The following SHISA9 variants were observed in gnomAD, a reference collection of about 807,000 sequenced individuals.
SHISA9 encodes the protein shisa family member 9, also known as protein shisa-9.
In SHISA9, 13 loss-of-function variants were observed where a neutral mutation model predicts 38.0. The observed-to-expected ratio is 0.34, with a 90% confidence interval of 0.22 to 0.54. The LOEUF (loss-of-function observed/expected upper bound fraction) is 0.54. SHISA9 is among the 20% of genes least tolerant of loss of function. The pLI, the probability that SHISA9 is intolerant of heterozygous loss-of-function variation, is 0.91. For missense variants in SHISA9, 538 were observed against 575.8 expected, an observed-to-expected ratio of 0.93 and a Z score of 0.67; for synonymous variants, 275 against 242.0, an observed-to-expected ratio of 1.14 and a Z score of -1.27.
chr16:13,411,434 G>A, the SHISA9 span, among the ~76,000 whole-genome samples: 17 of 152,320 alleles, frequency 1.1e-4, no homozygotes, highest in Admixed American at 3.9e-4. Context: ...ATGTTAATTT[G>A]TTCACCTGTG....
At chr16:13,536,397 C>T in the SHISA9 span, among the ~76,000 whole-genome samples, 1 of 152,190 alleles carries the variant, frequency 6.6e-6, no homozygotes, top group African/African-American at 2.4e-5. Flanking sequence ...CCTCTCCTCC[C>T]CAGTGAGAAT....
the SHISA9 span, among the ~76,000 whole-genome samples, chr16:13,488,174 G>A: frequency 4.6e-5 from 7 of 151,276 alleles, no homozygotes; most frequent in Non-Finnish European, 1.0e-4. Flanking sequence ...GCCCCTAATG[G>A]CTTTACCTCC....
the SHISA9 span, among the ~76,000 whole-genome samples, chr16:13,277,306 A>T: frequency 0.89 from 135,039 of 152,196 alleles, 60,054 homozygotes; most frequent in African/African-American, 0.94. Flanking sequence ...CATGCTGTTT[A>T]GGTGACTATG....
chr16:13,210,667 GT>G (rs2051110206), intron 3 of SHISA9, among the ~76,000 whole-genome samples: 1 of 152,178 alleles, frequency 6.6e-6, no homozygotes, highest in Non-Finnish European at 1.5e-5. Context: ...TTCTTTTCAA[GT>G]TAGGGCAGAA....
At chr16:12,914,012 C>T (rs928602302) in intron 1 of SHISA9, among the ~76,000 whole-genome samples, 1 of 151,512 alleles carries the variant, frequency 6.6e-6, no homozygotes, top group Non-Finnish European at 1.5e-5. Context: ...TGATTTGCAG[C>T]CCTCGTTTAT....
chr16:13,420,667 G>T, the SHISA9 span, among the ~76,000 whole-genome samples: 2 of 152,154 alleles, frequency 1.3e-5, no homozygotes, highest in African/African-American at 4.8e-5. Flanking sequence ...TATGGCTGAG[G>T]CAGCCTGATT....
the SHISA9 span, among the ~76,000 whole-genome samples, chr16:13,249,980 C>T: frequency 0.12 from 17,979 of 152,140 alleles, 1,140 homozygotes; most frequent in Middle Eastern, 0.18. Flanking sequence ...GCAATGCTTC[C>T]GCCTCGGTCT....
At chr16:12,935,574 C>A (rs2071518970) in intron 2 of SHISA9, among the ~76,000 whole-genome samples, 1 of 152,014 alleles carries the variant, frequency 6.6e-6, no homozygotes, top group African/African-American at 2.4e-5. Context: ...CAGGCCGGGC[C>A]CAGGGGCTCA....
rs117746390 is a variant in SHISA9, at chr16:13,193,925, A to T, written c.692-9469A>T. ...CTGCCCTGTGACAGCTCAGAGCTTC[A>T]CTATGAGCTCCTGCTAGAGTCTCAG... On this transcript the variant is annotated intron_variant, in intron 2 of 4. Coordinates refer to ENST00000558583, the MANE Select transcript of SHISA9 (RefSeq NM_001145204.3). Among the ~76,000 whole-genome samples the T allele has an allele frequency of 8.3e-3, 1,265 of 152,224 alleles. 9 individuals carry two copies. The highest frequency in any genetic ancestry group is 0.041 in the Middle Eastern group (12 of 292).
At chr16:13,139,261 A>T in intron 2 of SHISA9, among the ~76,000 whole-genome samples, 3 of 121,548 alleles carry the variant, frequency 2.5e-5, no homozygotes, top group Admixed American at 9.4e-5. Flanking sequence ...TTTCTTTCTA[A>T]TTCCCTTCCT....
intron 2 of SHISA9, among the ~76,000 whole-genome samples, chr16:13,196,407 AAAAG>A (rs1567243701): frequency 1.3e-5 from 2 of 150,136 alleles, no homozygotes; most frequent in East Asian, 1.9e-4. Context: ...AAAAAAAAAA[AAAAG>A]AAAGAAAAAA....
chr16:12,903,140 C>G (rs959526613), intron 1 of SHISA9: 1 of 154,616 alleles, frequency 6.5e-6, no homozygotes, highest in African/African-American at 2.4e-5. Context: ...GAAAAGGAGA[C>G]GAGGGAGGTG....
intron 4 of SHISA9, among the ~76,000 whole-genome samples, chr16:13,222,792 G>GTATATATATATATA (rs745719678): frequency 1.9e-4 from 12 of 63,578 alleles, no homozygotes; most frequent in African/African-American, 1.1e-3. Flanking sequence ...GTGTGTGTAT[G>GTATATATATATATA]TATATATATA....
At chr16:13,559,436 G>C in the SHISA9 span, among the ~76,000 whole-genome samples, 1 of 150,692 alleles carries the variant, frequency 6.6e-6, no homozygotes, top group African/African-American at 2.5e-5. Flanking sequence ...GGAGTGCAGT[G>C]GCACAATCAT....
At chr16:13,432,687 T>G in the SHISA9 span, among the ~76,000 whole-genome samples, 1 of 152,166 alleles carries the variant, frequency 6.6e-6, no homozygotes, top group Non-Finnish European at 1.5e-5. Flanking sequence ...TATAAGTGAT[T>G]ATAATATAAT....
the SHISA9 span, among the ~76,000 whole-genome samples, chr16:13,541,169 G>A: frequency 6.6e-6 from 1 of 152,198 alleles, no homozygotes; most frequent in Non-Finnish European, 1.5e-5. Flanking sequence ...GCTGTTGGGT[G>A]CAGGCTCTGG....
the SHISA9 span, among the ~76,000 whole-genome samples, chr16:13,446,909 G>T: frequency 0.011 from 1,730 of 151,672 alleles, 33 homozygotes; most frequent in African/African-American, 0.04. Context: ...GAACCTGGGA[G>T]GTGAAGGTTG....
intron 2 of SHISA9, among the ~76,000 whole-genome samples, chr16:13,041,371 A>G (rs1399044423): frequency 6.6e-6 from 1 of 152,152 alleles, no homozygotes; most frequent in Non-Finnish European, 1.5e-5. Flanking sequence ...GGCTTGGCCT[A>G]TCCCTGACTG....
At chr16:13,222,335 C>G (rs447922) in intron 4 of SHISA9, among the ~76,000 whole-genome samples, 72,899 of 151,920 alleles carry the variant, frequency 0.48, 18,258 homozygotes, top group East Asian at 0.75. Context: ...CACTCCAGGA[C>G]CCAGGTTCCT....
Sources: allele counts gnomAD v4.1 joint callset (sites outside exome capture counted in the v4.1 genomes callset), GRCh38; gene constraint gnomAD v4.1.1; transcripts MANE v1.5; gene names NCBI Gene and HGNC (gene_info 2026-07-23, HGNC 2026-07-21).